Variants in ARHGAP23 observed in about 807,000 individuals in gnomAD.
ARHGAP23 encodes the protein Rho GTPase activating protein 23, also known as rho GTPase-activating protein 23.
In ARHGAP23, 34 loss-of-function variants were observed where a neutral mutation model predicts 136.3. The observed-to-expected ratio is 0.25, with a 90% confidence interval of 0.19 to 0.33. The LOEUF (loss-of-function observed/expected upper bound fraction) is 0.33. ARHGAP23 is among the 10% of genes least tolerant of loss of function. The probability of loss-of-function intolerance (pLI) is 1.00; values close to 1 mark genes in which losing one functional copy is unlikely to be tolerated. For synonymous variants in ARHGAP23, 832 were observed against 920.5 expected (o/e 0.90, Z 1.74); for missense variants, 1,808 against 2,139.0 (o/e 0.85, Z 3.05).
rs73982809 is a variant in ARHGAP23, at chr17:38,471,733, G to A, written c.1975-130G>A. 1,625 of 1,066,140 alleles carry A rather than the reference G, an allele frequency of 1.5e-3. 19 individuals are homozygous for A. The African/African-American group carries it at 0.023, about 15-fold the overall frequency. The allele number at this position is 1,066,140 out of a possible 1,614,324, so 66.0% of individuals were successfully genotyped here. A position where few individuals can be genotyped will look rare whatever the true frequency, so the allele number is the denominator to read the frequency against. On this transcript the variant is annotated intron_variant, in intron 10 of 23. Transcript: ENST00000622683. Reference sequence around the variant, plus strand: ...CAGAGAGGACAAGCAATGCCCATGAGGTCGCACAGCACATCGGGGTGTAGC... The same window carrying A: ...CAGAGAGGACAAGCAATGCCCATGAAGTCGCACAGCACATCGGGGTGTAGC...
At chr17:38,467,394 T>A in intron 7 of ARHGAP23, 63 bp downstream of exon 7, 1 of 1,418,286 alleles carries the variant, frequency 7.1e-7, no homozygotes, top group African/African-American at 1.4e-5. Context: ...TGTCCTGCTG[T>A]ACCCCATCTG....
At chr17:38,463,569 G>A (rs753939673) in intron 6 of ARHGAP23, among the ~76,000 whole-genome samples, 187 bp downstream of exon 6, 1 of 152,162 alleles carries the variant, frequency 6.6e-6, no homozygotes, top group East Asian at 1.9e-4. Context: ...CTGGGGGAGC[G>A]GGAGACCTGG....
intron 1 of ARHGAP23, among the ~76,000 whole-genome samples, chr17:38,430,389 G>T (rs2038660912): frequency 6.6e-6 from 1 of 152,112 alleles, no homozygotes; most frequent in Non-Finnish European, 1.5e-5. Context: ...TGGGTGGGGG[G>T]AAGAGGCCCT....
At position 38,500,749 on chromosome 17, in the gene ARHGAP23, G is replaced by A; in HGVS notation, c.3447+121G>A. 5 of 952,188 alleles carry A rather than the reference G, an allele frequency of 5.3e-6. No individual in the cohort carries two copies. The Admixed American group carries it at 8.5e-5, about 16-fold the overall frequency. The allele number at this position is 952,188 out of a possible 1,614,324, so 59.0% of individuals were successfully genotyped here. A position where few individuals can be genotyped will look rare whatever the true frequency, so the allele number is the denominator to read the frequency against. On this transcript the variant is annotated intron_variant, in intron 23 of 23. Transcript: ENST00000622683. Reference sequence around the variant, plus strand: ...TGGGGAAAGTTGATGGTCCCTGGGAGGGAAGGCAGGAGGTACCGAGTGCCC... The same window carrying A: ...TGGGGAAAGTTGATGGTCCCTGGGAAGGAAGGCAGGAGGTACCGAGTGCCC...
At chr17:38,504,729 G>A (rs1439565699) in intron 23 of ARHGAP23, among the ~76,000 whole-genome samples, 2 of 152,132 alleles carry the variant, frequency 1.3e-5, no homozygotes, top group African/African-American at 4.8e-5. Flanking sequence ...TTTGGACAGA[G>A]TGCTCCCAAG....
intron 23 of ARHGAP23, among the ~76,000 whole-genome samples, chr17:38,501,958 G>T (rs1202503971): frequency 1.3e-5 from 2 of 151,430 alleles, no homozygotes; most frequent in African/African-American, 4.8e-5. Flanking sequence ...TTATTTAAAT[G>T]TTATTTAAAT....
intron 23 of ARHGAP23, among the ~76,000 whole-genome samples, chr17:38,505,236 G>A (rs1280155678): frequency 5.3e-5 from 8 of 151,724 alleles, no homozygotes; most frequent in South Asian, 4.2e-4. Flanking sequence ...TTGAATTCCT[G>A]GCTTCAATGG....
intron 22 of ARHGAP23, among the ~76,000 whole-genome samples, chr17:38,499,154 C>G (rs1021726774): frequency 1.1e-4 from 16 of 152,188 alleles, no homozygotes; most frequent in Non-Finnish European, 1.8e-4. Flanking sequence ...GAAGGAGGCA[C>G]TCACTGGGCC....
chr17:38,478,912 G>A (rs552935578), intron 12 of ARHGAP23, among the ~76,000 whole-genome samples: 4 of 152,306 alleles, frequency 2.6e-5, no homozygotes, highest in South Asian at 2.1e-4. Context: ...GGCCGTGGGA[G>A]GGGGTGCTAG....
chr17:38,469,733 G>A (rs961634380), intron 9 of ARHGAP23, 98 bp downstream of exon 9: 5 of 1,504,888 alleles, frequency 3.3e-6, no homozygotes. Flanking sequence ...CTATGCATGG[G>A]ACAGTGTGCC....
In ARHGAP23 at chr17:38,471,768, T is replaced by C. The variant is rs2039764749; in HGVS notation, c.1975-95T>C. The C allele has an allele frequency of 2.9e-6, 4 of 1,393,334 alleles. No homozygotes were observed. The South Asian group carries it at 4.1e-5, about 14-fold the overall frequency. 86.3% of individuals were successfully genotyped at this position (1,393,334 alleles called of 1,614,324 possible). ...CACATCGGGGTGTAGCACAGACATA[T>C]ATCAGGCCTGTGCGGCCACAAGTGG... On this transcript the variant is annotated intron_variant, in intron 10 of 23. Coordinates refer to ENST00000622683, the MANE Select transcript of ARHGAP23 (RefSeq NM_001199417.2).
intron 20 of ARHGAP23, among the ~76,000 whole-genome samples, chr17:38,493,643 C>T (rs2040327556): frequency 6.6e-6 from 1 of 152,234 alleles, no homozygotes; most frequent in African/African-American, 2.4e-5. Flanking sequence ...AAAGCCTGCC[C>T]ACCCAAGCGT....
At chr17:38,464,299 C>T (rs2039530864) in intron 6 of ARHGAP23, among the ~76,000 whole-genome samples, 1 of 152,120 alleles carries the variant, frequency 6.6e-6, no homozygotes, top group African/African-American at 2.4e-5. Flanking sequence ...TCCACACACA[C>T]ACACACACAC....
At chr17:38,431,506 G>C (rs1051449236) in intron 1 of ARHGAP23, among the ~76,000 whole-genome samples, 1 of 152,050 alleles carries the variant, frequency 6.6e-6, no homozygotes, top group African/African-American at 2.4e-5. Context: ...CCCTCCACCC[G>C]CTTCAAACAA....
At chr17:38,426,572 A>AAAAAAAAAAAAG (rs1567767218), upstream of ARHGAP23, among the ~76,000 whole-genome samples, 2 of 149,280 alleles carry the variant, frequency 1.3e-5, no homozygotes, top group African/African-American at 5.0e-5. Flanking sequence ...AAAAAAAAAA[A>AAAAAAAAAAAAG]TCCAGGCAGT....
At chr17:38,485,048 G>T (rs1452303226) in intron 16 of ARHGAP23, among the ~76,000 whole-genome samples, 1 of 152,118 alleles carries the variant, frequency 6.6e-6, no homozygotes, top group Non-Finnish European at 1.5e-5. Flanking sequence ...TGGGGTGATG[G>T]TGCCCCCTGG....
At position 38,469,157 on chromosome 17, in the gene ARHGAP23, C is replaced by A; in HGVS notation, c.1662C>A (p.Ser554Arg). 6.4e-7 allele frequency: 1 copy of A among 1,550,606 alleles called. No individual in the cohort carries two copies. Among genetic ancestry groups the A allele is most frequent in the Non-Finnish European group, 8.7e-7 (1 of 1,146,298 alleles). ...CCACATGCATAGATGAGCCCACCAG[C>A]CCCAGCATTGACCTCCAAGCCAAGC... ...ASIPFIDEPT[S>R]PSIDLQAKHV... Residue 554 changes from serine to arginine, a missense_variant, in exon 8 of 24, where the codon AGC (serine) becomes AGA (arginine). Around this residue, in one of 7 missense-constraint regions of ARHGAP23, gnomAD observed 859 missense variants for 936.4 expected, o/e 0.92. Coordinates refer to ENST00000622683, the MANE Select transcript of ARHGAP23 (RefSeq NM_001199417.2).
chr17:38,484,889 A>T (rs2040126264), intron 16 of ARHGAP23, among the ~76,000 whole-genome samples: 1 of 151,812 alleles, frequency 6.6e-6, no homozygotes, highest in South Asian at 2.1e-4. Flanking sequence ...TGTTTATGGG[A>T]TTGTCTGGCA....
rs769933988 is a variant in ARHGAP23 at position 38,498,358 on chromosome 17, G to A, written c.3319-56G>A. On this transcript the variant is annotated intron_variant, in intron 21 of 23. Transcript: ENST00000622683. ...TGTCATCAGGGCACCCCCCTCTGGG[G>A]GGTTGGCAGCCCAGCATCTGAGGGC... The A allele has an allele frequency of 1.3e-5, 19 of 1,415,286 alleles. No homozygotes were observed. In the African/African-American group the frequency reaches 2.6e-4, roughly 19 times the overall value. 87.7% of individuals were successfully genotyped at this position (1,415,286 alleles called of 1,614,324 possible). A position where few individuals can be genotyped will look rare whatever the true frequency, so the allele number is the denominator to read the frequency against.
Sources: gnomAD v4.1 joint callset for allele counts (sites outside exome capture counted in the v4.1 genomes callset) on GRCh38, gnomAD v4.1.1 for gene constraint, gnomAD v4.1.1 regional missense constraint, MANE v1.5 for transcripts, NCBI Gene and HGNC (gene_info 2026-07-23, HGNC 2026-07-21) for gene names.